HSD17B4: variants seen among roughly 807,000 people sequenced by gnomAD.
HSD17B4 encodes the protein hydroxysteroid 17-beta dehydrogenase 4, also known as peroxisomal multifunctional enzyme type 2.
Under a neutral mutation model 101.0 loss-of-function variants are expected in HSD17B4, and 70 were observed. The observed-to-expected ratio is 0.69, with a 90% confidence interval of 0.57 to 0.85. The LOEUF (loss-of-function observed/expected upper bound fraction) is 0.85, where lower values mean the gene tolerates loss of function less well. Among genes scored for constraint, HSD17B4 ranks in the 40% least tolerant of loss-of-function variants. The probability of loss-of-function intolerance (pLI) is 0.00; values close to 1 mark genes in which losing one functional copy is unlikely to be tolerated. For missense variants in HSD17B4, 984 were observed against 892.4 expected, an observed-to-expected ratio of 1.10 and a Z score of -1.31; for synonymous variants, 347 against 297.1, an observed-to-expected ratio of 1.17 and a Z score of -1.73.
intron 2 of HSD17B4, chr5:119,456,807 G>C (rs2636967): frequency 0.017 from 3,226 of 184,890 alleles, 101 homozygotes; most frequent in African/African-American, 0.072. Context: ...CTTGACTTCA[G>C]TAAATTGTAG....
rs748781586 is a variant in HSD17B4 at position 119,493,814 on chromosome 5, C to G, written c.740-4C>G. ...CAGTATGTTAGTTTTGTTTCTATAA[C>G]CAGTACGCTGGGAGCGGACTCTTGG... On this transcript the variant is annotated splice_polypyrimidine_tract_variant and splice_region_variant and intron_variant, in intron 10 of 23. Transcript: ENST00000510025. 6 of 1,611,582 alleles carry G rather than the reference C, an allele frequency of 3.7e-6. No homozygotes were observed. In the African/African-American group the frequency reaches 5.3e-5, roughly 14 times the overall value.
At chr5:119,483,884 C>T (rs1189664422) in intron 8 of HSD17B4, among the ~76,000 whole-genome samples, 1 of 152,110 alleles carries the variant, frequency 6.6e-6, no homozygotes, top group Non-Finnish European at 1.5e-5. Flanking sequence ...AAATAACTTG[C>T]TAATATTACC....
At chr5:119,509,386 C>G (rs76336613) in intron 16 of HSD17B4, 142 bp downstream of exon 16, 2 of 723,978 alleles carry the variant, frequency 2.8e-6, no homozygotes, top group Non-Finnish European at 2.5e-6. Flanking sequence ...CCTGGGACAC[C>G]AAGACCAGTC....
intron 1 of HSD17B4, chr5:119,452,971 T>A: frequency 1.0e-6 from 1 of 964,974 alleles, no homozygotes; most frequent in Non-Finnish European, 1.6e-6. Context: ...TTCCTGCAAT[T>A]AACTCTCTTA....
intron 23 of HSD17B4, among the ~76,000 whole-genome samples, chr5:119,539,577 G>T (rs1328431175): frequency 6.6e-6 from 1 of 151,150 alleles, no homozygotes; most frequent in Non-Finnish European, 1.5e-5. Flanking sequence ...AGAACTTAAA[G>T]TATAATAATA....
At chr5:119,502,725 A>T (rs1403231436) in intron 14 of HSD17B4, among the ~76,000 whole-genome samples, 2 of 152,206 alleles carry the variant, frequency 1.3e-5, no homozygotes, top group Non-Finnish European at 2.9e-5. Flanking sequence ...ATTTCATGTT[A>T]TACAATGTAG....
At chr5:119,507,387 C>G (rs560674075) in intron 15 of HSD17B4, among the ~76,000 whole-genome samples, 3 of 152,218 alleles carry the variant, frequency 2.0e-5, no homozygotes, top group South Asian at 4.1e-4. Flanking sequence ...GGTTTAAACA[C>G]CACAGCCACA....
intron 23 of HSD17B4, among the ~76,000 whole-genome samples, chr5:119,539,509 A>T (rs1014421022): frequency 6.6e-6 from 1 of 152,020 alleles, no homozygotes; most frequent in South Asian, 2.1e-4. Context: ...GGTGCAGCAC[A>T]CCAACATGGC....
At chr5:119,484,082 C>T (rs1749389354) in intron 8 of HSD17B4, among the ~76,000 whole-genome samples, 1 of 152,040 alleles carries the variant, frequency 6.6e-6, no homozygotes, top group Non-Finnish European at 1.5e-5. Context: ...GTGGTTTGTG[C>T]CTGTGGTCAC....
At chr5:119,498,580 A>C (rs1158392232) in intron 12 of HSD17B4, among the ~76,000 whole-genome samples, 1 of 150,492 alleles carries the variant, frequency 6.6e-6, no homozygotes, top group Non-Finnish European at 1.5e-5. Context: ...ATTTTATTTT[A>C]CTTAACATTA....
intron 12 of HSD17B4, among the ~76,000 whole-genome samples, chr5:119,498,014 A>C (rs1750806191): frequency 6.6e-6 from 1 of 152,218 alleles, no homozygotes; most frequent in Non-Finnish European, 1.5e-5. Context: ...CATGGCTGCA[A>C]GTAAAATGCT....
chr5:119,492,024 A>T (rs1365167638), intron 9 of HSD17B4, 76 bp from the exon 10 acceptor site: 1 of 1,169,150 alleles, frequency 8.6e-7, no homozygotes, highest in Non-Finnish European at 1.3e-6. Flanking sequence ...AGAGGAGCTG[A>T]CTTTTTTCTA....
At chr5:119,471,677 C>T in intron 2 of HSD17B4, 1 of 1,475,122 alleles carries the variant, frequency 6.8e-7, no homozygotes, top group Middle Eastern at 1.7e-4. Context: ...AAGATCATTT[C>T]ACAATGCAGA....
chr5:119,471,719 GT>G, intron 2 of HSD17B4: 1 of 1,299,394 alleles, frequency 7.7e-7, no homozygotes, highest in Non-Finnish European at 1.1e-6. Context: ...CTTAAGTTCT[GT>G]TTTTCCAAGT....
At chr5:119,480,877 A>G (rs549248115) in intron 8 of HSD17B4, among the ~76,000 whole-genome samples, 1 of 152,312 alleles carries the variant, frequency 6.6e-6, no homozygotes, top group African/African-American at 2.4e-5. Context: ...AAAAGAATTC[A>G]GCAATATTTC....
intron 2 of HSD17B4, among the ~76,000 whole-genome samples, chr5:119,457,560 A>G (rs1455798647): frequency 1.3e-5 from 2 of 152,176 alleles, no homozygotes; most frequent in African/African-American, 2.4e-5. Context: ...TTGACATTGT[A>G]TTATTTGGAC....
At chr5:119,496,479 TA>T in intron 11 of HSD17B4, 63 bp from the exon 12 acceptor site, 2 of 877,992 alleles carry the variant, frequency 2.3e-6, no homozygotes, top group Non-Finnish European at 3.9e-6. Context: ...TAGCATATTG[TA>T]GCTTTTCTTA....
At chr5:119,473,721 C>A (rs1748266336) in intron 2 of HSD17B4, among the ~76,000 whole-genome samples, 187 bp from the exon 3 acceptor site, 1 of 151,984 alleles carries the variant, frequency 6.6e-6, no homozygotes. Context: ...TGTCTGTATT[C>A]AAAAATGAAG....
At chr5:119,535,507 G>T (rs1428616245) in intron 22 of HSD17B4, among the ~76,000 whole-genome samples, 1 of 151,432 alleles carries the variant, frequency 6.6e-6, no homozygotes, top group African/African-American at 2.4e-5. Context: ...TTTATAGCTT[G>T]TTTCTTGGTT....
Sources: allele counts gnomAD v4.1 joint callset (sites outside exome capture counted in the v4.1 genomes callset), GRCh38; gene constraint gnomAD v4.1.1; transcripts MANE v1.5; gene names NCBI Gene and HGNC (gene_info 2026-07-23, HGNC 2026-07-21).